Variants in NAV2 observed in about 807,000 individuals in gnomAD.
NAV2 encodes the protein helicase, APC down-regulated 1.
In NAV2, 54 loss-of-function variants were observed where a neutral mutation model predicts 223.2. The observed-to-expected ratio is 0.24, with a 90% CI of 0.19 to 0.30. The LOEUF is 0.30. Among genes scored for constraint, NAV2 ranks in the 10% least tolerant of loss-of-function variants. NAV2 has a pLI of 1.00. For missense variants in NAV2, 2,806 were observed against 3,147.5 expected, an observed-to-expected ratio of 0.89 and a Z score of 2.60; for synonymous variants, 1,279 against 1,239.3, an observed-to-expected ratio of 1.03 and a Z score of -0.67.
rs1434585504 is a variant in NAV2 at position 19,665,096 on chromosome 11, C to T, written c.76-167388C>T. On this transcript the variant is annotated intron_variant, in intron 1 of 37. Transcript: ENST00000360655. The stretch of plus-strand genomic sequence containing the variant: ...GGGGTTGGAGAGGGAGAGGCAGTCC[C>T]AGGTTTGAGAGGCTGAGCTAAAGGG... Among the ~76,000 whole-genome samples the T allele has an allele frequency of 2.6e-4, 39 of 152,130 alleles. 1 individual carries two copies. Among genetic ancestry groups the T allele is most frequent in the Non-Finnish European group, 2.4e-4 (16 of 68,026 alleles).
At chr11:19,822,903 C>T (rs776566097) in intron 1 of NAV2, among the ~76,000 whole-genome samples, 2 of 152,166 alleles carry the variant, frequency 1.3e-5, no homozygotes, top group Non-Finnish European at 2.9e-5. Context: ...TCTTACCTGG[C>T]TCAAGATCAG....
intron 1 of NAV2, chr11:19,503,672 G>A (rs368247018): frequency 2.6e-5 from 4 of 152,160 alleles, no homozygotes; most frequent in South Asian, 2.1e-4. Context: ...TAGCCTGAAC[G>A]TACCACAATG....
intron 1 of NAV2, among the ~76,000 whole-genome samples, chr11:19,526,676 C>T (rs914879437): frequency 1.6e-4 from 25 of 152,072 alleles, no homozygotes; most frequent in Non-Finnish European, 2.9e-5. Context: ...CTCAGAGTCC[C>T]CAGGATGGCT....
chr11:19,714,040 G>T lies in NAV2; in HGVS notation c.267+78G>T. On this transcript the variant is annotated intron_variant, in intron 1 of 37. Coordinates refer to ENST00000349880, the MANE Select transcript of NAV2 (RefSeq NM_145117.5). The stretch of plus-strand genomic sequence containing the variant: ...CTTTCGGGATGGTGTGGGAGAAAGG[G>T]CTGGATGGGAGAAGGGTCTACCATG... 2 of 1,545,152 alleles carry T rather than the reference G, an allele frequency of 1.3e-6. No homozygotes were observed. Among genetic ancestry groups the T allele is most frequent in the Non-Finnish European group, 8.8e-7 (1 of 1,137,368 alleles).
chr11:19,601,632 G>A (rs1309207797), intron 1 of NAV2, among the ~76,000 whole-genome samples: 1 of 152,130 alleles, frequency 6.6e-6, no homozygotes, highest in Non-Finnish European at 1.5e-5. Flanking sequence ...GCTCAGTTTG[G>A]GGGAAAACTG....
intron 1 of NAV2, among the ~76,000 whole-genome samples, chr11:19,488,429 A>G (rs1240073456): frequency 6.6e-6 from 1 of 152,236 alleles, no homozygotes; most frequent in East Asian, 1.9e-4. Context: ...GAGAACAACT[A>G]AAGCAGCGCA....
At chr11:19,373,215 TCTTATTTAGG>T in intron 1 of NAV2, among the ~76,000 whole-genome samples, 1 of 152,292 alleles carries the variant, frequency 6.6e-6, no homozygotes, top group Middle Eastern at 3.4e-3. Flanking sequence ...TTGTAGGTGA[TCTTATTTAGG>T]CTTTTGGCCT....
At chr11:19,808,229 G>A (rs994130265) in intron 1 of NAV2, among the ~76,000 whole-genome samples, 7 of 152,254 alleles carry the variant, frequency 4.6e-5, no homozygotes, top group Admixed American at 1.3e-4. Context: ...CATCTTAGCT[G>A]CCCTCTTTAA....
In NAV2 at chr11:19,882,402, A is replaced by G. The variant is rs77629567; in HGVS notation, c.770+2275A>G. 3.4e-3 allele frequency among the ~76,000 whole-genome samples: 523 copies of G among 152,336 alleles called. 3 individuals carry two copies. Among genetic ancestry groups the G allele is most frequent in the African/African-American group, 0.012 (501 of 41,582 alleles). ...GAACAGTTAAGTAAGTGGTGGTATT[A>G]TTCTTTGAGATGAGGAAGCCCAGGA... is the stretch of plus-strand genomic sequence containing the variant. On this transcript the variant is annotated intron_variant, in intron 5 of 37. Coordinates refer to ENST00000349880, the MANE Select transcript of NAV2 (RefSeq NM_145117.5).
chr11:19,568,258 G>A (rs939718143), intron 1 of NAV2, among the ~76,000 whole-genome samples: 3 of 152,152 alleles, frequency 2.0e-5, no homozygotes, highest in African/African-American at 7.2e-5. Flanking sequence ...TGTCTTTGGG[G>A]GCTCAGAGAT....
intron 1 of NAV2, among the ~76,000 whole-genome samples, chr11:19,624,077 A>G (rs2047089148): frequency 6.6e-6 from 1 of 152,218 alleles, no homozygotes; most frequent in Admixed American, 6.5e-5. Flanking sequence ...AGGCTGCAGA[A>G]CAGCGAGTAT....
At chr11:19,967,401 GTT>G (rs10551582) in intron 10 of NAV2, among the ~76,000 whole-genome samples, 5,823 of 151,434 alleles carry the variant, frequency 0.038, 388 homozygotes, top group African/African-American at 0.13. Context: ...TAAGGCAGAG[GTT>G]TTTTTTTAGG....
chr11:19,629,918 ACTCT>A (rs1252218325), intron 1 of NAV2, among the ~76,000 whole-genome samples: 2 of 151,644 alleles, frequency 1.3e-5, no homozygotes, highest in African/African-American at 4.8e-5. Context: ...GTCCCAAATG[ACTCT>A]CTCACTATAA....
chr11:19,871,930 G>A (rs1320098619), intron 4 of NAV2, among the ~76,000 whole-genome samples: 2 of 152,088 alleles, frequency 1.3e-5, no homozygotes, highest in African/African-American at 2.4e-5. Context: ...CCTTGGTGAG[G>A]GGAGGAAAAT....
At chr11:19,604,402 A>G (rs1196965776) in intron 1 of NAV2, among the ~76,000 whole-genome samples, 3 of 152,140 alleles carry the variant, frequency 2.0e-5, no homozygotes, top group Non-Finnish European at 4.4e-5. Context: ...AGAGTGTGAA[A>G]AAGAGGAGTC....
At chr11:19,820,594 G>T (rs925815112) in intron 1 of NAV2, among the ~76,000 whole-genome samples, 1 of 152,224 alleles carries the variant, frequency 6.6e-6, no homozygotes, top group African/African-American at 2.4e-5. Context: ...ATATTTTGCC[G>T]TGGTGAGAGG....
At chr11:19,346,517 G>A (rs1853017673), upstream of NAV2, among the ~76,000 whole-genome samples, 1 of 152,240 alleles carries the variant, frequency 6.6e-6, no homozygotes, top group Non-Finnish European at 1.5e-5. Flanking sequence ...CCGCTGAGCC[G>A]GCTCCTTTCT....
At chr11:20,064,007 A>G (rs1045500015) in intron 20 of NAV2, among the ~76,000 whole-genome samples, 1 of 151,892 alleles carries the variant, frequency 6.6e-6, no homozygotes, top group Non-Finnish European at 1.5e-5. Flanking sequence ...CACCCCTCCA[A>G]CTCTAAAATT....
rs1368267428 is a variant in NAV2, at chr11:20,062,309, C to A, written c.4834C>A (p.His1612Asn). The A allele has an allele frequency of 1.2e-6, 2 of 1,607,198 alleles. No individual in the cohort carries two copies. Among genetic ancestry groups the A allele is most frequent in the Non-Finnish European group, 1.7e-6 (2 of 1,177,562 alleles). The change falls in exon 20 of 38, where the codon CAT (histidine) becomes AAT (asparagine). Residue 1612 changes from histidine to asparagine, a missense_variant and splice_region_variant. This residue lies in a region of NAV2 where 824 missense variants were observed against 1,069.4 expected (regional missense o/e 0.77). Coordinates refer to ENST00000349880, the MANE Select transcript of NAV2 (RefSeq NM_145117.5). Reference protein sequence around the residue: ...GSFRDGFEEVHGSSLSLVSST... With the variant: ...GSFRDGFEEVNGSSLSLVSST... ...ACCTTTTTTTTTTCTTTTAATAGTT[C>A]ATGGATCCTCACTCTCCTTGGTTTC...
Sources: gnomAD v4.1 joint callset for allele counts (sites outside exome capture counted in the v4.1 genomes callset) on GRCh38, gnomAD v4.1.1 for gene constraint, gnomAD v4.1.1 regional missense constraint, MANE v1.5 for transcripts, NCBI Gene and HGNC (gene_info 2026-07-23, HGNC 2026-07-21) for gene names.